The following GABRG3 variants were observed in gnomAD, a reference collection of about 807,000 sequenced individuals.
The protein encoded by GABRG3 is gamma-aminobutyric acid type A receptor subunit gamma3.
A neutral mutation model predicts 48.8 loss-of-function variants in GABRG3; 25 were observed. The observed-to-expected ratio is 0.51, with a 90% CI of 0.37 to 0.72. The LOEUF (loss-of-function observed/expected upper bound fraction) is 0.72. Among genes scored for constraint, GABRG3 ranks in the 30% least tolerant of loss-of-function variants. GABRG3 has a pLI of 0.00. For synonymous variants in GABRG3, 227 were observed against 217.6 expected (o/e 1.04, Z -0.38); for missense variants, 394 against 577.9 (o/e 0.68, Z 3.26).
chr15:27,015,941 T>C (rs1392151547), intron 2 of GABRG3, among the ~76,000 whole-genome samples: 1 of 152,214 alleles, frequency 6.6e-6, no homozygotes, highest in African/African-American at 2.4e-5. Flanking sequence ...AAGTCTTAAG[T>C]CTTGACATGT....
chr15:27,420,155 T>C (rs1406909114), intron 5 of GABRG3, among the ~76,000 whole-genome samples: 1 of 152,224 alleles, frequency 6.6e-6, no homozygotes, highest in East Asian at 1.9e-4. Flanking sequence ...TTTAGAATAC[T>C]CCTTCTCTCA....
chr15:27,143,520 C>A (rs2140391289), intron 3 of GABRG3, among the ~76,000 whole-genome samples: 2 of 152,302 alleles, frequency 1.3e-5, no homozygotes, highest in South Asian at 4.1e-4. Context: ...ACCAAAGAAT[C>A]TTTCATGCTA....
At chr15:27,242,612 G>A (rs1020158913) in intron 3 of GABRG3, among the ~76,000 whole-genome samples, 9 of 152,154 alleles carry the variant, frequency 5.9e-5, no homozygotes, top group African/African-American at 2.2e-4. Flanking sequence ...AGAATCCAAT[G>A]TATTTATCAA....
At chr15:27,459,753 C>CA (rs1173799201) in intron 5 of GABRG3, among the ~76,000 whole-genome samples, 2 of 152,162 alleles carry the variant, frequency 1.3e-5, no homozygotes, top group African/African-American at 4.8e-5. Context: ...CGCATGTGCA[C>CA]ACACACCCAC....
chr15:27,517,369 C>A (rs1471496066), intron 6 of GABRG3, among the ~76,000 whole-genome samples: 7 of 152,248 alleles, frequency 4.6e-5, no homozygotes, highest in Non-Finnish European at 8.8e-5. Context: ...CTCCCTCCTG[C>A]AAAGCACCCA....
chr15:27,081,005 G>A (rs529660955), intron 3 of GABRG3, among the ~76,000 whole-genome samples: 16 of 152,296 alleles, frequency 1.1e-4, no homozygotes, highest in African/African-American at 3.8e-4. Context: ...CCCCACTCAG[G>A]TCCTCTTAGG....
At chr15:27,088,890 T>TG (rs1015024095) in intron 3 of GABRG3, among the ~76,000 whole-genome samples, 4 of 150,558 alleles carry the variant, frequency 2.7e-5, no homozygotes, top group Non-Finnish European at 3.0e-5. Context: ...GGGTGAGCCA[T>TG]GGGGGAGATG....
chr15:27,425,252 G>A (rs1328905166), intron 5 of GABRG3, among the ~76,000 whole-genome samples: 1 of 152,070 alleles, frequency 6.6e-6, no homozygotes, highest in African/African-American at 2.4e-5. Context: ...CTCTAACCAT[G>A]AGTATAAGTG....
At chr15:27,016,267 C>T (rs749670703) in intron 2 of GABRG3, among the ~76,000 whole-genome samples, 3 of 143,166 alleles carry the variant, frequency 2.1e-5, no homozygotes, top group Non-Finnish European at 4.5e-5. Flanking sequence ...GAGAAAGTCT[C>T]ACTCTGTCAC....
intron 3 of GABRG3, among the ~76,000 whole-genome samples, chr15:27,030,167 A>T (rs865920258): frequency 6.6e-6 from 1 of 152,216 alleles, no homozygotes; most frequent in Non-Finnish European, 1.5e-5. Flanking sequence ...GGGTTTAAGG[A>T]TGTAAATTTG....
intron 3 of GABRG3, among the ~76,000 whole-genome samples, chr15:27,188,945 T>C (rs1888197341): frequency 2.0e-5 from 3 of 151,696 alleles, no homozygotes; most frequent in East Asian, 1.9e-4. Flanking sequence ...TTTCTACATA[T>C]GGCTAGCCAG....
At position 27,310,228 on chromosome 15, in the gene GABRG3, G is replaced by C. The variant is rs148363766; in HGVS notation, c.271-16581G>C. On this transcript the variant is annotated intron_variant, in intron 3 of 9. Coordinates refer to ENST00000615808, the MANE Select transcript of GABRG3 (RefSeq NM_033223.5). The stretch of plus-strand genomic sequence containing the variant: ...GCTAGCAGAAGGGAGTTTTGGGCAG[G>C]GGGTGATAGAACTATTGTGTGTCCT... Among the ~76,000 whole-genome samples the C allele has an allele frequency of 2.9e-3, 446 of 152,166 alleles. 6 individuals are homozygous for C. The highest frequency in any genetic ancestry group is 0.023 in the Admixed American group (357 of 15,256).
intron 5 of GABRG3, among the ~76,000 whole-genome samples, chr15:27,346,153 AAG>A (rs1320690397): frequency 6.6e-6 from 1 of 151,608 alleles, no homozygotes; most frequent in Non-Finnish European, 1.5e-5. Context: ...AAGAAGGAAA[AAG>A]AAATTCTATA....
chr15:27,281,114 C>T (rs1891418422), intron 3 of GABRG3, among the ~76,000 whole-genome samples: 1 of 152,114 alleles, frequency 6.6e-6, no homozygotes, highest in South Asian at 2.1e-4. Flanking sequence ...CTGAAATCTA[C>T]TTTATCTTAT....
chr15:27,200,215 A>T (rs1222164146), intron 3 of GABRG3, among the ~76,000 whole-genome samples: 4 of 152,170 alleles, frequency 2.6e-5, no homozygotes, highest in Non-Finnish European at 5.9e-5. Flanking sequence ...ATTGATTGAC[A>T]TTGCCTCTGT....
At chr15:27,057,449 T>C (rs1016354272) in intron 3 of GABRG3, among the ~76,000 whole-genome samples, 1 of 152,206 alleles carries the variant, frequency 6.6e-6, no homozygotes, top group African/African-American at 2.4e-5. Flanking sequence ...ACAAGTACAA[T>C]GCCTGAGATT....
chr15:27,206,924 A>T (rs1165416957), intron 3 of GABRG3, among the ~76,000 whole-genome samples: 2 of 151,890 alleles, frequency 1.3e-5, no homozygotes, highest in Non-Finnish European at 2.9e-5. Context: ...CCATCCCTTT[A>T]CTTGGAGCCT....
chr15:27,467,726 C>T (rs1018587005), intron 5 of GABRG3, among the ~76,000 whole-genome samples: 3 of 152,164 alleles, frequency 2.0e-5, no homozygotes, highest in African/African-American at 7.2e-5. Flanking sequence ...TCTATTTTGG[C>T]TGCATGTATC....
At chr15:27,017,357 T>C (rs1470708389) in intron 2 of GABRG3, among the ~76,000 whole-genome samples, 1 of 152,220 alleles carries the variant, frequency 6.6e-6, no homozygotes, top group African/African-American at 2.4e-5. Context: ...GGGTTCACTC[T>C]GATGCCTGTT....
Sources: gnomAD v4.1 joint callset for allele counts (sites outside exome capture counted in the v4.1 genomes callset) on GRCh38, gnomAD v4.1.1 for gene constraint, MANE v1.5 for transcripts, NCBI Gene and HGNC (gene_info 2026-07-23, HGNC 2026-07-21) for gene names.